NRG3: variants seen among roughly 807,000 people sequenced by gnomAD.
NRG3 encodes the protein neuregulin 3.
In NRG3, 31 loss-of-function variants were observed where a neutral mutation model predicts 66.9. The ratio of observed to expected loss-of-function variants is 0.46; its 90% confidence interval spans 0.35 to 0.63. NRG3 has a LOEUF of 0.63. NRG3 is among the 20% of genes least tolerant of loss of function. The probability of loss-of-function intolerance (pLI) is 0.00; values close to 1 mark genes in which losing one functional copy is unlikely to be tolerated. For synonymous variants in NRG3, 393 were observed against 359.4 expected, an observed-to-expected ratio of 1.09 and a Z score of -1.06; for missense variants, 910 against 878.9, an observed-to-expected ratio of 1.04 and a Z score of -0.45.
intron 3 of NRG3, among the ~76,000 whole-genome samples, chr10:82,820,924 G>A (rs894569357): frequency 1.9e-4 from 29 of 152,008 alleles, no homozygotes; most frequent in African/African-American, 6.8e-4. Flanking sequence ...GTTTTGTGTT[G>A]TTCTTTCCTT....
At chr10:82,696,100 C>CTT (rs1296031754) in intron 2 of NRG3, among the ~76,000 whole-genome samples, 1 of 152,146 alleles carries the variant, frequency 6.6e-6, no homozygotes, top group Non-Finnish European at 1.5e-5. Context: ...TGGAGAATCA[C>CTT]TTTTTGTTTT....
chr10:82,347,194 G>A (rs1192111098), intron 1 of NRG3, among the ~76,000 whole-genome samples: 1 of 147,150 alleles, frequency 6.8e-6, no homozygotes. Context: ...GCTTTCTCTT[G>A]TGGGCATTTA....
At chr10:82,239,652 G>A (rs1186946925) in intron 1 of NRG3, among the ~76,000 whole-genome samples, 1 of 152,030 alleles carries the variant, frequency 6.6e-6, no homozygotes, top group Non-Finnish European at 1.5e-5. Context: ...TGTAATCTAT[G>A]ACTTTTTTTG....
intron 3 of NRG3, among the ~76,000 whole-genome samples, chr10:82,813,211 C>CTT (rs58875697): frequency 0.62 from 69,335 of 112,080 alleles, 22,167 homozygotes; most frequent in Non-Finnish European, 0.7. Flanking sequence ...CTCTGTTTCT[C>CTT]TTTTTTTTTT....
chr10:82,339,430 A>C (rs1019952185), intron 1 of NRG3, among the ~76,000 whole-genome samples: 1 of 152,152 alleles, frequency 6.6e-6, no homozygotes, highest in Non-Finnish European at 1.5e-5. Context: ...AATGAGGGCC[A>C]GCAGAAGAAA....
intron 4 of NRG3, among the ~76,000 whole-genome samples, chr10:82,904,899 T>C (rs1591900854): frequency 6.6e-6 from 1 of 152,286 alleles, no homozygotes; most frequent in East Asian, 1.9e-4. Context: ...AGCTTAATTC[T>C]AACAGAAACA....
chr10:82,983,176 A>G (rs958465623), intron 8 of NRG3, among the ~76,000 whole-genome samples: 2 of 152,180 alleles, frequency 1.3e-5, no homozygotes, highest in Non-Finnish European at 2.9e-5. Flanking sequence ...TATCCTGGCT[A>G]CATTTTTTGT....
intron 1 of NRG3, among the ~76,000 whole-genome samples, chr10:82,246,834 A>G (rs1201504215): frequency 6.6e-6 from 1 of 152,142 alleles, no homozygotes; most frequent in African/African-American, 2.4e-5. Flanking sequence ...CCCACCTGCT[A>G]TGTGAATGGC....
At chr10:82,898,511 A>C (rs1451038362) in intron 4 of NRG3, among the ~76,000 whole-genome samples, 1 of 152,114 alleles carries the variant, frequency 6.6e-6, no homozygotes, top group Non-Finnish European at 1.5e-5. Flanking sequence ...GGTGTGCCAC[A>C]GTCCATACCC....
At chr10:82,057,822 G>A (rs569734801) in intron 1 of NRG3, among the ~76,000 whole-genome samples, 1 of 152,216 alleles carries the variant, frequency 6.6e-6, no homozygotes, top group African/African-American at 2.4e-5. Flanking sequence ...TACTCACAGG[G>A]AGTCTTCAAT....
intron 4 of NRG3, among the ~76,000 whole-genome samples, chr10:82,911,269 ATTATCT>A (rs1471981274): frequency 5.3e-5 from 8 of 152,124 alleles, no homozygotes; most frequent in South Asian, 2.1e-4. Context: ...TCATCTTTTC[ATTATCT>A]TTAAGGGCAG....
At chr10:82,057,612 T>C (rs2063911081) in intron 1 of NRG3, among the ~76,000 whole-genome samples, 1 of 152,138 alleles carries the variant, frequency 6.6e-6, no homozygotes, top group Non-Finnish European at 1.5e-5. Context: ...CTACTTTAAA[T>C]TATACTTTAA....
chr10:82,763,835 A>G (rs1455402796), intron 3 of NRG3, among the ~76,000 whole-genome samples: 1 of 152,224 alleles, frequency 6.6e-6, no homozygotes, highest in Non-Finnish European at 1.5e-5. Flanking sequence ...TTAGAATTCA[A>G]AGACTTCATG....
chr10:82,281,015 G>A (rs972309103), intron 1 of NRG3, among the ~76,000 whole-genome samples: 4 of 152,136 alleles, frequency 2.6e-5, no homozygotes, highest in Non-Finnish European at 1.5e-5. Context: ...CTTATTTTTT[G>A]TTCTATCTTT....
intron 2 of NRG3, among the ~76,000 whole-genome samples, chr10:82,583,526 G>A (rs926748850): frequency 3.3e-5 from 5 of 152,166 alleles, no homozygotes; most frequent in African/African-American, 1.2e-4. Context: ...TACTGTGTTT[G>A]TCATAACTAC....
intron 2 of NRG3, among the ~76,000 whole-genome samples, chr10:82,476,738 C>T (rs114063216): frequency 6.6e-6 from 1 of 152,006 alleles, no homozygotes; most frequent in Non-Finnish European, 1.5e-5. Context: ...TTGACAGTTA[C>T]AGATATTCAG....
intron 1 of NRG3, among the ~76,000 whole-genome samples, chr10:82,255,764 T>C (rs1258972779): frequency 6.6e-6 from 1 of 150,820 alleles, no homozygotes; most frequent in Non-Finnish European, 1.5e-5. Context: ...CAACCACACC[T>C]GGCTAATTTT....
At chr10:82,579,570 AT>A (rs1469403509) in intron 2 of NRG3, among the ~76,000 whole-genome samples, 1 of 151,922 alleles carries the variant, frequency 6.6e-6, no homozygotes, top group Non-Finnish European at 1.5e-5. Context: ...GAACACATGT[AT>A]GTGTTAATGC....
At chr10:82,622,035 A>C (rs2049073888) in intron 2 of NRG3, among the ~76,000 whole-genome samples, 1 of 152,184 alleles carries the variant, frequency 6.6e-6, no homozygotes, top group Non-Finnish European at 1.5e-5. Flanking sequence ...GGGAATGGCC[A>C]AAAAATGATC....
Sources: allele counts gnomAD v4.1 joint callset (sites outside exome capture counted in the v4.1 genomes callset), GRCh38; gene constraint gnomAD v4.1.1; transcripts MANE v1.5; gene names NCBI Gene and HGNC (gene_info 2026-07-23, HGNC 2026-07-21).